The following MOK variants were observed in gnomAD, a reference collection of about 807,000 sequenced individuals.
The protein encoded by MOK is MOK protein kinase.
Under a neutral mutation model 54.2 loss-of-function variants are expected in MOK, and 59 were observed. The observed-to-expected ratio is 1.09, with a 90% CI of 0.88 to 1.35. The LOEUF (loss-of-function observed/expected upper bound fraction) is 1.35. Ranked by LOEUF, MOK falls within the 40% of genes most tolerant of loss-of-function variation. The pLI, the probability that MOK is intolerant of heterozygous loss-of-function variation, is 0.00. For missense variants in MOK, 517 were observed against 526.2 expected (o/e 0.98, Z 0.17); for synonymous variants, 210 against 202.7 (o/e 1.04, Z -0.31).
chr14:102,251,617 G>A, intron 6 of MOK, 139 bp downstream of exon 6: 1 of 738,198 alleles, frequency 1.4e-6, no homozygotes, highest in Admixed American at 2.0e-5. Flanking sequence ...CAACCTGAGA[G>A]GGAAAAAAAT....
intron 2 of MOK, among the ~76,000 whole-genome samples, chr14:102,266,944 C>T (rs1666149614): frequency 6.6e-6 from 1 of 152,218 alleles, no homozygotes; most frequent in African/African-American, 2.4e-5. Context: ...TTATTGCAGG[C>T]TCTTCTTTAT....
At chr14:102,220,732 A>C (rs1206247321), downstream of MOK, among the ~76,000 whole-genome samples, 2 of 152,130 alleles carry the variant, frequency 1.3e-5, no homozygotes, top group East Asian at 3.9e-4. This position sits in a 1 kb window ranked among gnomAD's most constrained non-coding sequence, Gnocchi z 4.2. Context: ...AAAAAAAAAA[A>C]AAAAAGAAAA....
chr14:102,284,696 C>A (rs1195405649), intron 1 of MOK, among the ~76,000 whole-genome samples: 1 of 152,176 alleles, frequency 6.6e-6, no homozygotes, highest in Non-Finnish European at 1.5e-5. Flanking sequence ...AAGGCTGTTA[C>A]AATCTCTGGG....
At chr14:102,282,865 C>T (rs1183658317) in intron 2 of MOK, among the ~76,000 whole-genome samples, 1 of 151,994 alleles carries the variant, frequency 6.6e-6, no homozygotes, top group Non-Finnish European at 1.5e-5. Flanking sequence ...CCAGCCTGGC[C>T]AACGTGGTGA....
intron 1 of MOK, among the ~76,000 whole-genome samples, chr14:102,303,435 T>C (rs935117184): frequency 6.6e-6 from 1 of 152,046 alleles, no homozygotes; most frequent in African/African-American, 2.4e-5. Context: ...GACAGCCAAA[T>C]AAAAATGAAA....
chr14:102,303,293 C>T (rs951463708), intron 1 of MOK, among the ~76,000 whole-genome samples: 2 of 152,194 alleles, frequency 1.3e-5, no homozygotes, highest in Admixed American at 1.3e-4. Flanking sequence ...ACAACGTTGC[C>T]TCTCACATAT....
intron 1 of MOK, among the ~76,000 whole-genome samples, chr14:102,288,412 C>T (rs546492124): frequency 6.6e-6 from 1 of 152,246 alleles, no homozygotes; most frequent in South Asian, 2.1e-4. Context: ...GGACATTATG[C>T]TAAGTGAAAG....
intron 2 of MOK, among the ~76,000 whole-genome samples, chr14:102,269,639 A>C (rs1329682717): frequency 2.0e-5 from 3 of 151,852 alleles, no homozygotes; most frequent in Non-Finnish European, 4.4e-5. Context: ...TGCCTGGCTG[A>C]TTCTTATATT....
At chr14:102,284,609 C>G (rs892732927) in intron 1 of MOK, among the ~76,000 whole-genome samples, 3 of 152,118 alleles carry the variant, frequency 2.0e-5, no homozygotes, top group Non-Finnish European at 4.4e-5. Flanking sequence ...AGTAAGACTG[C>G]AACAACATTG....
chr14:102,217,176 C>T, the MOK span, among the ~76,000 whole-genome samples: 1 of 152,240 alleles, frequency 6.6e-6, no homozygotes, highest in East Asian at 1.9e-4. Flanking sequence ...TCCCTTCTTC[C>T]TGCCCCACAC....
chr14:102,247,175 A>G (rs1467576620), intron 7 of MOK, among the ~76,000 whole-genome samples: 1 of 152,080 alleles, frequency 6.6e-6, no homozygotes, highest in African/African-American at 2.4e-5. Context: ...TTACGCTGGG[A>G]AAAAAGAACC....
intron 2 of MOK, among the ~76,000 whole-genome samples, chr14:102,269,358 G>GTATTTTTA (rs1435074288): frequency 6.6e-6 from 1 of 150,766 alleles, no homozygotes; most frequent in African/African-American, 2.4e-5. Flanking sequence ...GGCTATTTTT[G>GTATTTTTA]TATTTTTAGT....
intron 10 of MOK, chr14:102,229,917 G>T: frequency 2.2e-6 from 1 of 457,342 alleles, no homozygotes; most frequent in South Asian, 3.6e-5. Context: ...CAAAGGGCTC[G>T]CGGGCTGTGG....
intron 2 of MOK, among the ~76,000 whole-genome samples, chr14:102,268,909 C>A (rs1404716811): frequency 2.3e-5 from 3 of 132,730 alleles, no homozygotes; most frequent in African/African-American, 9.8e-5. Context: ...TGTGAGACTC[C>A]GTCTCAAAAA....
chr14:102,256,463 A>C (rs1439013298), intron 4 of MOK, among the ~76,000 whole-genome samples: 1 of 150,466 alleles, frequency 6.6e-6, no homozygotes, highest in African/African-American at 2.5e-5. Context: ...AGTCCCAGCT[A>C]CTCGGGAGGC....
chr14:102,286,845 G>A (rs942424923), intron 1 of MOK, among the ~76,000 whole-genome samples: 3 of 151,630 alleles, frequency 2.0e-5, no homozygotes, highest in Admixed American at 6.6e-5. Flanking sequence ...GGGAAGTGGA[G>A]GTTGCAGTAA....
chr14:102,219,698 C>T (rs981318767), downstream of MOK, among the ~76,000 whole-genome samples: 2 of 152,246 alleles, frequency 1.3e-5, no homozygotes, highest in African/African-American at 4.8e-5. Context: ...CTGAGTGCTG[C>T]AGCATGGGGA....
At chr14:102,226,738 C>G (rs185474760), downstream of MOK, among the ~76,000 whole-genome samples, 20 of 152,318 alleles carry the variant, frequency 1.3e-4, no homozygotes, top group Non-Finnish European at 2.5e-4. This position sits in a 1 kb window ranked among gnomAD's most constrained non-coding sequence, Gnocchi z 4.8. Context: ...CCCTTTTCTC[C>G]AAATCTGTAG....
intron 2 of MOK, among the ~76,000 whole-genome samples, chr14:102,279,618 C>G (rs574194118): frequency 2.2e-4 from 33 of 151,806 alleles, no homozygotes; most frequent in Non-Finnish European, 2.4e-4. Flanking sequence ...AGAGCCTATT[C>G]TTAATTGTGT....
Sources: allele counts gnomAD v4.1 joint callset (sites outside exome capture counted in the v4.1 genomes callset), GRCh38; gene constraint gnomAD v4.1.1; non-coding constraint Gnocchi (gnomAD v3.1); transcripts MANE v1.5; gene names NCBI Gene and HGNC (gene_info 2026-07-23, HGNC 2026-07-21).